Variants in ADGRL2 observed in about 807,000 individuals in gnomAD.
ADGRL2 encodes the protein adhesion G protein-coupled receptor L2.
In ADGRL2, 44 loss-of-function variants were observed where a neutral mutation model predicts 157.4. The ratio of observed to expected loss-of-function variants is 0.28; its 90% CI spans 0.22 to 0.36. The LOEUF (loss-of-function observed/expected upper bound fraction) is 0.36. ADGRL2 is among the 10% of genes least tolerant of loss of function. ADGRL2 has a pLI of 1.00. For missense variants in ADGRL2, 1,510 were observed against 1,768.9 expected (o/e 0.85, Z 2.63); for synonymous variants, 585 against 624.7 (o/e 0.94, Z 0.95).
At chr1:81,454,610 T>G (rs1356585055) in intron 2 of ADGRL2, among the ~76,000 whole-genome samples, 1 of 152,146 alleles carries the variant, frequency 6.6e-6, no homozygotes, top group Non-Finnish European at 1.5e-5. Context: ...GGTTTCCTCT[T>G]GGAATCAGCC....
chr1:81,376,144 A>G (rs1362537049), intron 1 of ADGRL2, among the ~76,000 whole-genome samples: 2 of 152,202 alleles, frequency 1.3e-5, no homozygotes, highest in Non-Finnish European at 2.9e-5. Context: ...TTCACAAGTC[A>G]GTTATCAAAC....
chr1:81,718,310 A>G (rs1184045671), intron 1 of ADGRL2, among the ~76,000 whole-genome samples: 1 of 152,168 alleles, frequency 6.6e-6, no homozygotes, highest in Non-Finnish European at 1.5e-5. Context: ...GAGCCACCGC[A>G]TTTTGGGAGA....
intron 2 of ADGRL2, among the ~76,000 whole-genome samples, chr1:81,763,831 A>G (rs1448395913): frequency 6.6e-6 from 1 of 151,306 alleles, no homozygotes. Context: ...ACATGGTGAA[A>G]CCCCGTCTCT....
intron 3 of ADGRL2, among the ~76,000 whole-genome samples, chr1:81,683,312 A>T (rs1251173598): frequency 6.6e-6 from 1 of 152,084 alleles, no homozygotes; most frequent in Non-Finnish European, 1.5e-5. Context: ...TTTTTTTTCC[A>T]TAAGTTATTG....
At chr1:81,967,990 A>G (rs1162976889) in intron 13 of ADGRL2, 36 bp from the exon 14 acceptor site, 3 of 1,558,162 alleles carry the variant, frequency 1.9e-6, no homozygotes, top group Non-Finnish European at 1.8e-6. Flanking sequence ...CTTAGAATAT[A>G]AAATCCTAAT....
intron 1 of ADGRL2, among the ~76,000 whole-genome samples, chr1:81,738,583 C>T (rs2084974987): frequency 6.6e-6 from 1 of 152,196 alleles, no homozygotes; most frequent in African/African-American, 2.4e-5. Flanking sequence ...CACAAAGGGG[C>T]TGACATGGCA....
At chr1:81,883,088 C>G (rs1376841832) in intron 2 of ADGRL2, among the ~76,000 whole-genome samples, 1 of 151,996 alleles carries the variant, frequency 6.6e-6, no homozygotes. Context: ...TTTGTGAAAC[C>G]CAGGCATATA....
Position 81,414,291 on chromosome 1 carries a change from G to T in ADGRL2, c.-301-30745G>T, listed in dbSNP as rs553767398. On this transcript the variant is annotated intron_variant, in intron 1 of 24. Coordinates refer to the ADGRL2 transcript ENST00000370721. ...CTCTACATAGCACCCTTGCCAAAAG[G>T]GTTCGGAAATGACTTCCAGCTTCCC... 2.0e-5 allele frequency: 3 copies of T among 152,256 alleles called. No individual in the cohort carries two copies. The East Asian group carries it at 5.8e-4, about 29-fold the overall frequency. The allele number at this position is 152,256 out of a possible 1,614,324, so 9.4% of individuals were successfully genotyped here.
chr1:81,523,264 T>A (rs2079367740), intron 2 of ADGRL2, among the ~76,000 whole-genome samples: 1 of 152,084 alleles, frequency 6.6e-6, no homozygotes, highest in Non-Finnish European at 1.5e-5. Context: ...CAGAACAAGA[T>A]AAGCTGATAC....
In ADGRL2 at chr1:81,547,546, C is replaced by T. The variant is rs1235416281; in HGVS notation, c.-247-33330C>T. 3.3e-5 allele frequency among the ~76,000 whole-genome samples: 5 copies of T among 152,176 alleles called. No individual in the cohort carries two copies. The East Asian group carries it at 7.7e-4, about 23-fold the overall frequency. ...TTCTTCCTCACTTTCATTTAAGACT[C>T]GCTAGTATTGTTGTTATTTCATTTA... On this transcript the variant is annotated intron_variant, in intron 2 of 24. Transcript: ENST00000370721.
At chr1:81,935,347 A>G (rs2095294747) in intron 3 of ADGRL2, among the ~76,000 whole-genome samples, 1 of 151,952 alleles carries the variant, frequency 6.6e-6, no homozygotes, top group Non-Finnish European at 1.5e-5. Flanking sequence ...ATCATGATAA[A>G]AGTTACTTAT....
At chr1:81,614,518 G>C (rs998611191) in intron 3 of ADGRL2, among the ~76,000 whole-genome samples, 2 of 152,110 alleles carry the variant, frequency 1.3e-5, no homozygotes, top group Non-Finnish European at 2.9e-5. Context: ...GTGGTCCAAA[G>C]ATTTTTTTTC....
At chr1:81,406,902 A>G (rs1189214990) in intron 1 of ADGRL2, among the ~76,000 whole-genome samples, 1 of 152,166 alleles carries the variant, frequency 6.6e-6, no homozygotes, top group Admixed American at 6.5e-5. Flanking sequence ...TGTTGAATGG[A>G]AATAAGCTCA....
At chr1:81,334,931 T>C (rs1661526358) in intron 1 of ADGRL2, among the ~76,000 whole-genome samples, 1 of 152,178 alleles carries the variant, frequency 6.6e-6, no homozygotes, top group Non-Finnish European at 1.5e-5. Context: ...TAAAGGTGTC[T>C]TTGGTGTTGA....
At chr1:81,771,725 T>G (rs2086377186) in intron 2 of ADGRL2, among the ~76,000 whole-genome samples, 1 of 151,920 alleles carries the variant, frequency 6.6e-6, no homozygotes, top group South Asian at 2.1e-4. Flanking sequence ...CCTTATCCTA[T>G]CCCTCTAAGA....
intron 2 of ADGRL2, among the ~76,000 whole-genome samples, chr1:81,561,910 T>C (rs986158087): frequency 5.3e-5 from 8 of 152,222 alleles, no homozygotes; most frequent in Non-Finnish European, 1.0e-4. Context: ...CTTTGTTTCA[T>C]TGTTATTCTC....
intron 2 of ADGRL2, among the ~76,000 whole-genome samples, chr1:81,571,361 T>C (rs948920141): frequency 6.8e-6 from 1 of 146,658 alleles, no homozygotes; most frequent in East Asian, 2.0e-4. Context: ...TATATATATA[T>C]AATATATATT....
chr1:81,370,215 T>C (rs1181782265), intron 1 of ADGRL2, among the ~76,000 whole-genome samples: 1 of 152,228 alleles, frequency 6.6e-6, no homozygotes, highest in African/African-American at 2.4e-5. Flanking sequence ...ATAAGTTTAA[T>C]TGATTTTTTA....
At chr1:81,948,133 C>T (rs145667329) in intron 6 of ADGRL2, among the ~76,000 whole-genome samples, 2,499 of 151,484 alleles carry the variant, frequency 0.016, 43 homozygotes, top group South Asian at 0.06. Context: ...AGGAGAATGG[C>T]TTGAACGCAG....
Sources: allele counts gnomAD v4.1 joint callset (sites outside exome capture counted in the v4.1 genomes callset), GRCh38; gene constraint gnomAD v4.1.1; transcripts MANE v1.5; gene names NCBI Gene and HGNC (gene_info 2026-07-23, HGNC 2026-07-21).